ANKAR: variants seen among roughly 807,000 people sequenced by gnomAD.
The protein encoded by ANKAR is ankyrin and armadillo repeat-containing protein.
Under a neutral mutation model 146.2 loss-of-function variants are expected in ANKAR, and 136 were observed. The observed-to-expected ratio is 0.93, with a 90% CI of 0.81 to 1.07. The LOEUF is 1.07. Ranked by LOEUF, ANKAR falls within the 50% of genes least tolerant of loss-of-function variation. The probability of loss-of-function intolerance (pLI) is 0.00; values close to 1 mark genes in which losing one functional copy is unlikely to be tolerated. For synonymous variants in ANKAR, 500 were observed against 575.8 expected, an observed-to-expected ratio of 0.87 and a Z score of 1.88; for missense variants, 1,567 against 1,679.9, an observed-to-expected ratio of 0.93 and a Z score of 1.18.
intron 4 of ANKAR, chr2:189,692,799 T>G: frequency 3.9e-6 from 1 of 257,880 alleles, no homozygotes; most frequent in Non-Finnish European, 7.2e-6. Flanking sequence ...CCTTTAAAAT[T>G]TTGGAACAGT....
In ANKAR at chr2:189,689,689, A is replaced by G. The variant is rs762748080; in HGVS notation, c.764A>G (p.Gln255Arg). ...TTAACATTCAGTACCACACAAATTC[A>G]ACAGTATGAAAATGTCTTTATATTT... Reference protein sequence around the residue: ...LKLTFSTTQIQQYENVFIFET... With the variant: ...LKLTFSTTQIRQYENVFIFET... Residue 255 changes from glutamine to arginine, a missense_variant, in exon 3 of 23, where the codon CAA becomes CGA. By Grantham distance (43) the Gln-to-Arg change is conservative. Transcript: ENST00000684021. 7 of 1,613,724 alleles carry G rather than the reference A, an allele frequency of 4.3e-6. No homozygotes were observed. The highest frequency in any genetic ancestry group is 5.9e-6 in the Non-Finnish European group (7 of 1,179,790).
At chr2:189,760,783 C>CT (rs2046931817) in intron 18 of ANKAR, among the ~76,000 whole-genome samples, 1 of 151,376 alleles carries the variant, frequency 6.6e-6, no homozygotes, top group Non-Finnish European at 1.5e-5. Flanking sequence ...GAGTGAGACT[C>CT]TGTCTCACCA....
chr2:189,686,280 A>G (rs2105779118), intron 2 of ANKAR, among the ~76,000 whole-genome samples: 1 of 152,352 alleles, frequency 6.6e-6, no homozygotes, highest in South Asian at 2.1e-4. Context: ...TTTAGAGCAT[A>G]TATATTACAA....
intron 7 of ANKAR, among the ~76,000 whole-genome samples, chr2:189,696,609 AGG>A (rs199629700): frequency 0.016 from 2,509 of 152,310 alleles, 35 homozygotes; most frequent in Middle Eastern, 0.041. Context: ...GCTCTATAAG[AGG>A]GCAAAGATTT....
At chr2:189,709,199 A>G (rs1380765310) in intron 9 of ANKAR, among the ~76,000 whole-genome samples, 5 of 152,264 alleles carry the variant, frequency 3.3e-5, no homozygotes, top group Non-Finnish European at 7.3e-5. Context: ...TAATAATTGT[A>G]TAGACATCAT....
rs1158213216 is a variant in ANKAR at position 189,707,033 on chromosome 2, AT to A, written c.2007del (p.Asp669GlufsTer7). 1 of 1,613,236 alleles carries A rather than the reference AT, an allele frequency of 6.2e-7. No individual in the cohort carries two copies. ...FSIGANWRKT[D>X]IKGNNIIHLS... ...ATCGGTGCTAACTGGAGAAAAACAGATATTAAAGGAAATAATATAATCCATT... is the reference window on the plus strand; with the variant it reads ...ATCGGTGCTAACTGGAGAAAAACAGAATTAAAGGAAATAATATAATCCATT... On this transcript the variant is annotated frameshift_variant, in exon 9 of 23. Transcript: ENST00000684021. LOFTEE classifies it high-confidence loss of function.
chr2:189,701,799 T>C (rs971804237), intron 7 of ANKAR, among the ~76,000 whole-genome samples: 15 of 152,260 alleles, frequency 9.9e-5, no homozygotes, highest in African/African-American at 2.7e-4. Flanking sequence ...ATCCCTGCCA[T>C]GTCTGGTTCC....
At chr2:189,689,410 C>T (rs1294540294) in intron 2 of ANKAR, 117 bp from the exon 3 acceptor site, 2 of 868,878 alleles carry the variant, frequency 2.3e-6, no homozygotes, top group Non-Finnish European at 3.5e-6. Context: ...CTAATTTTTC[C>T]TTTACTGTCG....
chr2:189,759,118 G>A (rs1238303844), intron 18 of ANKAR, among the ~76,000 whole-genome samples: 1 of 152,194 alleles, frequency 6.6e-6, no homozygotes, highest in Non-Finnish European at 1.5e-5. Flanking sequence ...GGACTTTGCA[G>A]TACTTCACAG....
At chr2:189,750,525 AACTT>A, downstream of ANKAR, 5 of 907,062 alleles carry the variant, frequency 5.5e-6, no homozygotes, top group Non-Finnish European at 6.9e-6. Context: ...AAACAATAAA[AACTT>A]AATTTTAACC....
At chr2:189,750,490 T>C, downstream of ANKAR, 2 of 666,980 alleles carry the variant, frequency 3.0e-6, no homozygotes, top group Non-Finnish European at 2.6e-6. Flanking sequence ...ATTAATATTA[T>C]ATATCTTCTA....
chr2:189,730,658 G>C, intron 16 of ANKAR, 57 bp downstream of exon 16: 1 of 867,182 alleles, frequency 1.2e-6, no homozygotes, highest in South Asian at 3.2e-5. Flanking sequence ...ATAATTTTAA[G>C]AAAATTTTGT....
chr2:189,747,929 G>A (rs993666293), downstream of ANKAR, among the ~76,000 whole-genome samples: 5 of 151,864 alleles, frequency 3.3e-5, no homozygotes, highest in African/African-American at 9.7e-5. Flanking sequence ...CAGGTGATCC[G>A]CCTACCTTGG....
At chr2:189,706,847 C>A in intron 8 of ANKAR, 91 bp from the exon 9 acceptor site, 1 of 903,380 alleles carries the variant, frequency 1.1e-6, no homozygotes, top group South Asian at 2.0e-5. Context: ...TGGTGTAAGT[C>A]AGACTACCTC....
At position 189,705,052 on chromosome 2, in the gene ANKAR, G is replaced by T. The variant is rs533853538; in HGVS notation, c.1738G>T (p.Ala580Ser). The change falls in exon 8 of 23, where the codon GCT becomes TCT. Residue 580 changes from alanine (A) to serine (S), a missense_variant. Physicochemically the swap from Ala to Ser is moderately conservative, Grantham distance 99. Transcript: ENST00000684021. ...AACACCTCTACACCTTGCTGCACAGGCTTGCTCATTAGAAACAACAGTTTG... is the reference window on the plus strand; with the variant it reads ...AACACCTCTACACCTTGCTGCACAGTCTTGCTCATTAGAAACAACAGTTTG... Reference protein sequence around the residue: ...GPTPLHLAAQACSLETTVCLL... With the variant: ...GPTPLHLAAQSCSLETTVCLL... 40 of 1,613,850 alleles carry T rather than the reference G, an allele frequency of 2.5e-5. No homozygotes were observed. Among genetic ancestry groups the T allele is most frequent in the Admixed American group, 3.3e-5 (2 of 59,980 alleles).
At chr2:189,744,513 C>T (rs2043778129) in intron 21 of ANKAR, among the ~76,000 whole-genome samples, 1 of 152,156 alleles carries the variant, frequency 6.6e-6, no homozygotes, top group Non-Finnish European at 1.5e-5. Flanking sequence ...TCCCTCATCA[C>T]TTCAAGCAGA....
intron 2 of ANKAR, among the ~76,000 whole-genome samples, chr2:189,678,209 C>A (rs1252126143): frequency 6.6e-6 from 1 of 152,068 alleles, no homozygotes; most frequent in Non-Finnish European, 1.5e-5. Context: ...GAGCATTTTT[C>A]ATATGTTTGT....
At chr2:189,727,544 A>AAAAAAAG (rs1559126243) in intron 12 of ANKAR, among the ~76,000 whole-genome samples, 2 of 149,846 alleles carry the variant, frequency 1.3e-5, no homozygotes, top group African/African-American at 5.0e-5. Context: ...AAAAAAAAAA[A>AAAAAAAG]AAGGGTGGTG....
chr2:189,682,560 A>G (rs1284317657), intron 2 of ANKAR, among the ~76,000 whole-genome samples: 14 of 152,196 alleles, frequency 9.2e-5, no homozygotes, highest in Admixed American at 9.2e-4. Context: ...TACAGGGCCA[A>G]TGGTCAGACT....
Sources: allele counts gnomAD v4.1 joint callset (sites outside exome capture counted in the v4.1 genomes callset), GRCh38; gene constraint gnomAD v4.1.1; transcripts MANE v1.5; gene names NCBI Gene and HGNC (gene_info 2026-07-23, HGNC 2026-07-21).